Variants in TTC28 observed in about 807,000 individuals in gnomAD.
TTC28 encodes tetratricopeptide repeat domain 28, also known as tetratricopeptide repeat protein 28.
In TTC28, 61 loss-of-function variants were observed where a neutral mutation model predicts 198.0. That is an observed-to-expected ratio of 0.31 (90% CI 0.25 to 0.38). The LOEUF is 0.38. TTC28 is among the 10% of genes least tolerant of loss of function. The pLI, the probability that TTC28 is intolerant of heterozygous loss-of-function variation, is 1.00. For synonymous variants in TTC28, 1,171 were observed against 1,297.8 expected, an observed-to-expected ratio of 0.90 and a Z score of 2.10; for missense variants, 2,678 against 3,164.0, an observed-to-expected ratio of 0.85 and a Z score of 3.69.
chr22:28,334,057 T>C (rs1364189053), intron 2 of TTC28, among the ~76,000 whole-genome samples: 1 of 139,516 alleles, frequency 7.2e-6, no homozygotes, highest in African/African-American at 2.6e-5. Context: ...TGTGTCCATG[T>C]GTTCTCATTG....
At chr22:28,357,716 CAGAA>C (rs1293103758) in intron 2 of TTC28, among the ~76,000 whole-genome samples, 96 of 152,226 alleles carry the variant, frequency 6.3e-4, no homozygotes, top group Admixed American at 6.5e-5. Flanking sequence ...TCTAAGAGAA[CAGAA>C]AGAAAGAGTA....
chr22:28,169,535 C>G (rs926240558), intron 5 of TTC28, among the ~76,000 whole-genome samples: 17 of 152,194 alleles, frequency 1.1e-4, no homozygotes, highest in Non-Finnish European at 1.9e-4. Context: ...ATGGATGAAG[C>G]TGGAAACCAG....
chr22:28,343,558 G>A (rs1002591864), intron 2 of TTC28, among the ~76,000 whole-genome samples: 1 of 150,778 alleles, frequency 6.6e-6, no homozygotes, highest in African/African-American at 2.4e-5. Context: ...CTGATACAAA[G>A]GGATAACAAT....
chr22:28,268,051 G>A (rs2147318002), intron 5 of TTC28, among the ~76,000 whole-genome samples: 1 of 152,264 alleles, frequency 6.6e-6, no homozygotes, highest in Non-Finnish European at 1.5e-5. Flanking sequence ...CTATTAGGGT[G>A]GAGATGCATA....
intron 2 of TTC28, among the ~76,000 whole-genome samples, chr22:28,552,867 A>G (rs2145967433): frequency 6.9e-6 from 1 of 145,940 alleles, no homozygotes; most frequent in South Asian, 2.1e-4. Context: ...CCGCCATCTC[A>G]GCTCACTGCA....
intron 4 of TTC28, 26 bp downstream of exon 4, chr22:28,297,554 A>G: frequency 6.5e-7 from 1 of 1,537,722 alleles, no homozygotes; most frequent in South Asian, 1.2e-5. Flanking sequence ...CCCTTTCTGC[A>G]CTGAAATAGA....
chr22:28,437,101 G>A (rs576693699), intron 2 of TTC28, among the ~76,000 whole-genome samples: 2 of 149,934 alleles, frequency 1.3e-5, no homozygotes, highest in East Asian at 2.0e-4. Flanking sequence ...TTTTTTTTTT[G>A]AGACAGAGTC....
intron 2 of TTC28, among the ~76,000 whole-genome samples, chr22:28,512,074 T>G (rs2048696543): frequency 1.3e-5 from 2 of 148,500 alleles, no homozygotes; most frequent in African/African-American, 5.0e-5. Flanking sequence ...ATATCCAGAG[T>G]CTACAAGGAA....
intron 12 of TTC28, 66 bp downstream of exon 12, chr22:28,094,014 A>T (rs1941895426): frequency 6.3e-6 from 9 of 1,432,958 alleles, no homozygotes; most frequent in Non-Finnish European, 8.3e-6. Context: ...CTCAAATAGG[A>T]TGTTTACAAA....
chr22:28,420,094 G>A (rs1174302666), intron 2 of TTC28, among the ~76,000 whole-genome samples: 2 of 152,122 alleles, frequency 1.3e-5, no homozygotes, highest in Non-Finnish European at 2.9e-5. Context: ...TACAGCCCTT[G>A]TCATCACCCC....
At chr22:28,536,949 T>G (rs1326105006) in intron 2 of TTC28, among the ~76,000 whole-genome samples, 3 of 151,372 alleles carry the variant, frequency 2.0e-5, no homozygotes, top group Non-Finnish European at 4.4e-5. Context: ...ATTAACATTA[T>G]AATATGTATT....
At chr22:28,635,232 A>G (rs1159772418) in intron 1 of TTC28, among the ~76,000 whole-genome samples, 2 of 152,150 alleles carry the variant, frequency 1.3e-5, no homozygotes, top group African/African-American at 4.8e-5. Context: ...GAGGCAGGAG[A>G]ATGGCATGAA....
Position 28,163,352 on chromosome 22 carries a change from G to A in TTC28, c.1181C>T (p.Ala394Val), listed in dbSNP as rs1415799479. ...ACTGCCCAGGTTGCTATAAGCCCGG[G>A]CCTCTTCTCGCTTGTTCCCCAGGTC... is the stretch of plus-strand genomic sequence containing the variant. Reference protein sequence around the residue: ...AKDLGNKREEARAYSNLGSAY... With the variant: ...AKDLGNKREEVRAYSNLGSAY... Residue 394 changes from alanine (A) to valine (V), a missense_variant, in exon 6 of 23, where the codon GCC (alanine) becomes GTC (valine). Ala to Val is a moderately conservative substitution (Grantham distance 64). Transcript: ENST00000397906. 3 of 1,551,910 alleles carry A rather than the reference G, an allele frequency of 1.9e-6. No individual in the cohort carries two copies. Among genetic ancestry groups the A allele is most frequent in the Non-Finnish European group, 2.6e-6 (3 of 1,147,074 alleles).
At chr22:28,541,149 T>A (rs1875594060) in intron 2 of TTC28, among the ~76,000 whole-genome samples, 1 of 152,220 alleles carries the variant, frequency 6.6e-6, no homozygotes, top group South Asian at 2.1e-4. Context: ...AGATACCACA[T>A]CTATGCTCTG....
chr22:28,533,217 T>C (rs1388701779), intron 2 of TTC28, among the ~76,000 whole-genome samples: 1 of 152,070 alleles, frequency 6.6e-6, no homozygotes, highest in Non-Finnish European at 1.5e-5. Context: ...AGTCTCAGGA[T>C]AAAAAAATCA....
chr22:28,391,315 G>GTCAGACAATTA (rs1483448854), intron 2 of TTC28, among the ~76,000 whole-genome samples: 1 of 152,054 alleles, frequency 6.6e-6, no homozygotes, highest in Admixed American at 6.6e-5. Flanking sequence ...TGACAATTAT[G>GTCAGACAATTA]TGTCTTGGAG....
intron 2 of TTC28, among the ~76,000 whole-genome samples, chr22:28,606,354 G>A (rs1258876910): frequency 3.3e-5 from 5 of 152,080 alleles, no homozygotes; most frequent in Non-Finnish European, 5.9e-5. Context: ...CTCCCAAAGT[G>A]CTGGGATTAC....
At chr22:28,214,345 A>C (rs180896426) in intron 5 of TTC28, among the ~76,000 whole-genome samples, 13 of 152,326 alleles carry the variant, frequency 8.5e-5, no homozygotes, top group Non-Finnish European at 1.8e-4. Context: ...TGAACAGGCA[A>C]CCTACAGAAA....
At chr22:28,270,104 AC>A (rs1569231599) in intron 5 of TTC28, among the ~76,000 whole-genome samples, 1 of 152,152 alleles carries the variant, frequency 6.6e-6, no homozygotes, top group African/African-American at 2.4e-5. Context: ...CATGTGCCCA[AC>A]GTGGCTGCAT....
Sources: allele counts gnomAD v4.1 joint callset (sites outside exome capture counted in the v4.1 genomes callset), GRCh38; gene constraint gnomAD v4.1.1; transcripts MANE v1.5; gene names NCBI Gene and HGNC (gene_info 2026-07-23, HGNC 2026-07-21).